The following GNL1 variants were observed in gnomAD, a reference collection of about 807,000 sequenced individuals.
GNL1 encodes the protein G protein nucleolar 1, also known as guanine nucleotide-binding protein-like 1.
GNL1 carries 21 observed loss-of-function variants against 75.2 expected under a neutral mutation model. The ratio of observed to expected loss-of-function variants is 0.28; its 90% CI spans 0.20 to 0.40. The LOEUF is 0.40. Among genes scored for constraint, GNL1 ranks in the 10% least tolerant of loss-of-function variants. The probability of loss-of-function intolerance (pLI) is 1.00; values close to 1 mark genes in which losing one functional copy is unlikely to be tolerated. For missense variants in GNL1, 579 were observed against 775.0 expected (o/e 0.75, Z 3.00); for synonymous variants, 287 against 303.4 (o/e 0.95, Z 0.56).
rs1052804695 is a variant in GNL1 at position 30,542,877 on chromosome 6, C to T, written c.*3195G>A. ...ACATCCCTCTGGATACAGTCTAAATCTTTAACACGGCTGAAAAGGCCCAGC... is the reference window on the plus strand; with the variant it reads ...ACATCCCTCTGGATACAGTCTAAATTTTTAACACGGCTGAAAAGGCCCAGC... On this transcript the variant is annotated 3_prime_UTR_variant, in exon 12 of 12. Transcript: ENST00000376621. This position sits in a 1 kb window ranked among gnomAD's most constrained non-coding sequence, Gnocchi z 4.5. 1 of 152,254 alleles carries T rather than the reference C, an allele frequency of 6.6e-6. No individual in the cohort carries two copies. The highest frequency in any genetic ancestry group is 1.5e-5 in the Non-Finnish European group (1 of 68,082). The allele number at this position is 152,254 out of a possible 1,614,324, so 9.4% of individuals were successfully genotyped here. A position where few individuals can be genotyped will look rare whatever the true frequency, so the allele number is the denominator to read the frequency against.
chr6:30,556,221 T>C lies in GNL1; in HGVS notation c.-18A>G, dbSNP rs755087330. The C allele has an allele frequency of 8.7e-6, 14 of 1,601,676 alleles. No individual in the cohort carries two copies. The East Asian group carries it at 2.5e-4, about 28-fold the overall frequency. ...CTCGGCATGGCCCGGACCAGTCACCTGGCCCGCCCTCCGCCGAGCTCCCGC... is the reference window on the plus strand; with the variant it reads ...CTCGGCATGGCCCGGACCAGTCACCCGGCCCGCCCTCCGCCGAGCTCCCGC... On this transcript the variant is annotated 5_prime_UTR_variant, in exon 1 of 12. Transcript: ENST00000376621. The surrounding 1 kb of genome is among the most constrained non-coding windows in gnomAD (Gnocchi z 5.7).
Position 30,555,196 on chromosome 6 carries a change from G to A in GNL1, c.240-5C>T, listed in dbSNP as rs1372610025. On this transcript the variant is annotated splice_polypyrimidine_tract_variant and splice_region_variant and intron_variant, in intron 2 of 11. Transcript: ENST00000376621. This position sits in a 1 kb window ranked among gnomAD's most constrained non-coding sequence, Gnocchi z 4.3. ...CTCTCAAAATGCAGTCGGTATCTAA[G>A]GGAACAGGGACCGAGACATCCAGAG... is the stretch of plus-strand genomic sequence containing the variant. 1 of 1,612,956 alleles carries A rather than the reference G, an allele frequency of 6.2e-7. No individual in the cohort carries two copies. The highest frequency in any genetic ancestry group is 2.2e-5 in the East Asian group (1 of 44,882).
intron 5 of GNL1, among the ~76,000 whole-genome samples, chr6:30,554,358 A>T (rs1473360493): frequency 6.6e-6 from 1 of 152,198 alleles, no homozygotes; most frequent in Non-Finnish European, 1.5e-5. Flanking sequence ...AGGACAGGAC[A>T]TGGCTGTTTT....
chr6:30,555,530 G>A lies in GNL1; in HGVS notation c.239+25C>T. 1.9e-6 allele frequency: 3 copies of A among 1,596,032 alleles called. No homozygotes were observed. The highest frequency in any genetic ancestry group is 2.6e-6 in the Non-Finnish European group (3 of 1,167,532). ...ACTTCCGGGTAGGCGGGAAAGCCGG[G>A]ACCAGCGCCCCCTCCCACCCTCACC... On this transcript the variant is annotated intron_variant, in intron 2 of 11. Transcript: ENST00000376621. This position sits in a 1 kb window ranked among gnomAD's most constrained non-coding sequence, Gnocchi z 4.3.
Position 30,541,895 on chromosome 6 carries a change from GGGAC to G in GNL1, c.*4173_*4176del, listed in dbSNP as rs1799189464. 1.3e-5 allele frequency: 2 copies of G among 152,256 alleles called. No homozygotes were observed. Among genetic ancestry groups the G allele is most frequent in the South Asian group, 2.1e-4 (1 of 4,818 alleles). 9.4% of individuals were successfully genotyped at this position (152,256 alleles called of 1,614,324 possible). ...CCTGCCTGAGGGCACTCCCCTCACT[GGGAC>G]TCTCAGTACCACGCCCACCTGTCCC... On this transcript the variant is annotated 3_prime_UTR_variant, in exon 12 of 12. Coordinates refer to ENST00000376621, the MANE Select transcript of GNL1 (RefSeq NM_005275.5).
rs901551239 is a variant in GNL1 at position 30,547,358 on chromosome 6, C to T, written c.1272G>A (p.Gln424=). The change falls in exon 9 of 12, where the codon CAG becomes CAA. Residue 424 remains glutamine (Q), a synonymous_variant. Coordinates refer to ENST00000376621, the MANE Select transcript of GNL1 (RefSeq NM_005275.5). This position sits in a 1 kb window ranked among gnomAD's most constrained non-coding sequence, Gnocchi z 5.5. ...GLIFPSLLPR[Q]LQVLAGIYPI... is the part of the protein sequence containing the mutation. ...CCCACCCTCCCCGTCATACCTGCAA[C>T]TGCCTAGGCAGAAGAGATGGGAAGA... 1 of 1,601,126 alleles carries T rather than the reference C, an allele frequency of 6.2e-7. No homozygotes were observed. Among genetic ancestry groups the T allele is most frequent in the African/African-American group, 1.3e-5 (1 of 74,334 alleles).
In GNL1 at chr6:30,555,746, G is replaced by C; in HGVS notation, c.74-26C>G. The C allele has an allele frequency of 6.2e-7, 1 of 1,610,310 alleles. No individual in the cohort carries two copies. Among genetic ancestry groups the C allele is most frequent in the South Asian group, 1.1e-5 (1 of 90,856 alleles). On this transcript the variant is annotated intron_variant, in intron 1 of 11. Transcript: ENST00000376621. This position sits in a 1 kb window ranked among gnomAD's most constrained non-coding sequence, Gnocchi z 4.3. ...CTGCGGGGAGGGGCCGGTGACGCCA[G>C]TGCTGGCCAGCTCTCAGGGGCCATA...
chr6:30,553,274 A>G (rs1450582372), intron 6 of GNL1, 76 bp downstream of exon 6: 20 of 1,464,298 alleles, frequency 1.4e-5, no homozygotes, highest in South Asian at 1.1e-5. Flanking sequence ...CCCCTTGTCA[A>G]TAAGCCTCTC....
chr6:30,550,885 C>T (rs1256646373), intron 8 of GNL1, among the ~76,000 whole-genome samples: 1 of 152,148 alleles, frequency 6.6e-6, no homozygotes, highest in African/African-American at 2.4e-5. Flanking sequence ...GAATGGCTCA[C>T]TTCATCTCAT....
Position 30,546,054 on chromosome 6 carries a change from T to C in GNL1, c.*18A>G, listed in dbSNP as rs372563352. ...AAAGCAAAGATACTGGGAGGGAAGA[T>C]GGCGCTGGGCGAGGAACTCAGCACT... On this transcript the variant is annotated 3_prime_UTR_variant, in exon 12 of 12. Coordinates refer to ENST00000376621, the MANE Select transcript of GNL1 (RefSeq NM_005275.5). The surrounding 1 kb of genome is among the most constrained non-coding windows in gnomAD (Gnocchi z 5.1). 61 of 1,577,664 alleles carry C rather than the reference T, an allele frequency of 3.9e-5. No homozygotes were observed. Among genetic ancestry groups the C allele is most frequent in the Non-Finnish European group, 6.0e-6 (7 of 1,157,204 alleles).
At chr6:30,549,093 G>T (rs1247940237) in intron 8 of GNL1, among the ~76,000 whole-genome samples, 1 of 152,222 alleles carries the variant, frequency 6.6e-6, no homozygotes, top group Non-Finnish European at 1.5e-5. Context: ...ATCCTCCCAG[G>T]TTCAAGCGAT....
In GNL1 at chr6:30,547,505, C is replaced by T. The variant is rs372900674; in HGVS notation, c.1125G>A (p.Ser375=). ...CVGFPNVGKS[S]LINGLVGRKV... The stretch of plus-strand genomic sequence containing the variant: ...TCCGCCCCACCAGCCCATTGATCAG[C>T]GAGGACTTTCCCACATTAGGGAAAC... The change falls in exon 9 of 12, where the codon TCG becomes TCA. Residue 375 remains serine, a synonymous_variant. Coordinates refer to ENST00000376621, the MANE Select transcript of GNL1 (RefSeq NM_005275.5). This position sits in a 1 kb window ranked among gnomAD's most constrained non-coding sequence, Gnocchi z 5.5. 19 of 1,612,210 alleles carry T rather than the reference C, an allele frequency of 1.2e-5. No individual in the cohort carries two copies. The Admixed American group carries it at 1.5e-4, about 13-fold the overall frequency.
chr6:30,553,364 T>C lies in GNL1; in HGVS notation c.794A>G (p.Gln265Arg), dbSNP rs1187601544. 2.5e-6 allele frequency: 4 copies of C among 1,609,166 alleles called. No individual in the cohort carries two copies. Among genetic ancestry groups the C allele is most frequent in the South Asian group, 1.1e-5 (1 of 90,952 alleles). ...TSFPRDPRTP[Q>R]DPSSVLKKSR... ...TGCCCACTCACCACTACTAGGGTCC[T>C]GTGGGGTGCGGGGGTCCCGAGGAAA... The change falls in exon 6 of 12, where the codon CAG becomes CGG. Residue 265 changes from glutamine to arginine, a missense_variant. By Grantham distance (43) the Gln-to-Arg change is conservative. Transcript: ENST00000376621.
At position 30,541,663 on chromosome 6, in the gene GNL1, G is replaced by A. The variant is rs562495261; in HGVS notation, c.*4409C>T. On this transcript the variant is annotated 3_prime_UTR_variant, in exon 12 of 12. Coordinates refer to ENST00000376621, the MANE Select transcript of GNL1 (RefSeq NM_005275.5). ...CGCTGCAAAGCTTCTCAAATGCAGC[G>A]GGAAGTCCATTTACCAACGGCTGTT... 1.3e-5 allele frequency: 2 copies of A among 152,348 alleles called. No homozygotes were observed. The highest frequency in any genetic ancestry group is 2.9e-5 in the Non-Finnish European group (2 of 68,022). 9.4% of individuals were successfully genotyped at this position (152,348 alleles called of 1,614,324 possible).
At position 30,552,456 on chromosome 6, in the gene GNL1, C is replaced by T. The variant is rs112012560; in HGVS notation, c.1099+11G>A. ...TTGGAGGCCACCACGCACAAGCTGC[C>T]ACTTCCTTACCCACACAGCCGATGG... On this transcript the variant is annotated intron_variant, in intron 8 of 11. Transcript: ENST00000376621. This position sits in a 1 kb window ranked among gnomAD's most constrained non-coding sequence, Gnocchi z 4.5. 1 of 1,606,406 alleles carries T rather than the reference C, an allele frequency of 6.2e-7. No individual in the cohort carries two copies. Among genetic ancestry groups the T allele is most frequent in the Non-Finnish European group, 8.5e-7 (1 of 1,174,506 alleles).
chr6:30,544,423 T>C lies in GNL1; in HGVS notation c.*1649A>G, dbSNP rs760124627. ...ATGAATCCAATGTCCTCACCCCACC[T>C]CCTGCAGCGGAGAAGTCCCCTGAGC... On this transcript the variant is annotated 3_prime_UTR_variant, in exon 12 of 12. Coordinates refer to ENST00000376621, the MANE Select transcript of GNL1 (RefSeq NM_005275.5). The C allele has an allele frequency of 1.3e-5, 2 of 152,220 alleles. No homozygotes were observed. The highest frequency in any genetic ancestry group is 2.9e-5 in the Non-Finnish European group (2 of 68,046). The allele number at this position is 152,220 out of a possible 1,614,324, so 9.4% of individuals were successfully genotyped here. A position where few individuals can be genotyped will look rare whatever the true frequency, so the allele number is the denominator to read the frequency against.
In GNL1 at chr6:30,542,054, CCCT is replaced by C. The variant is rs1799200418; in HGVS notation, c.*4015_*4017del. 6.6e-6 allele frequency: 1 copy of C among 152,300 alleles called. No homozygotes were observed. Among genetic ancestry groups the C allele is most frequent in the African/African-American group, 2.4e-5 (1 of 41,460 alleles). The allele number at this position is 152,300 out of a possible 1,614,324, so 9.4% of individuals were successfully genotyped here. A position where few individuals can be genotyped will look rare whatever the true frequency, so the allele number is the denominator to read the frequency against. ...GTTCCTCAACTGCATATACTCTGCT[CCCT>C]CCATTTTTTTCTTTCATTGCAATCA... On this transcript the variant is annotated 3_prime_UTR_variant, in exon 12 of 12. Transcript: ENST00000376621. This position sits in a 1 kb window ranked among gnomAD's most constrained non-coding sequence, Gnocchi z 4.5.
At chr6:30,553,023 T>G in intron 7 of GNL1, 61 bp downstream of exon 7, 1 of 1,167,928 alleles carries the variant, frequency 8.6e-7, no homozygotes, top group Non-Finnish European at 1.3e-6. Flanking sequence ...GTGAGCAAAA[T>G]GATTCTGCAT....
At chr6:30,553,653 GC>G in intron 5 of GNL1, 96 bp from the exon 6 acceptor site, 1 of 819,722 alleles carries the variant, frequency 1.2e-6, no homozygotes, top group South Asian at 1.4e-5. Flanking sequence ...CAGAGACAAG[GC>G]CCTGGTGGTA....
Sources: gnomAD v4.1 joint callset for allele counts (sites outside exome capture counted in the v4.1 genomes callset) on GRCh38, gnomAD v4.1.1 for gene constraint, Gnocchi (gnomAD v3.1) non-coding constraint, MANE v1.5 for transcripts, NCBI Gene and HGNC (gene_info 2026-07-23, HGNC 2026-07-21) for gene names.